The following RUFY3 variants were observed in gnomAD, a reference collection of about 807,000 sequenced individuals.
RUFY3 encodes the protein RUN and FYVE domain containing 3, also known as protein RUFY3.
RUFY3 carries 34 observed loss-of-function variants against 84.0 expected under a neutral mutation model. The ratio of observed to expected loss-of-function variants is 0.40; its 90% CI spans 0.31 to 0.54. The LOEUF (loss-of-function observed/expected upper bound fraction) is 0.54. Ranked by LOEUF, RUFY3 falls within the 20% of genes least tolerant of loss-of-function variation. The probability of loss-of-function intolerance (pLI) is 0.39; values close to 1 mark genes in which losing one functional copy is unlikely to be tolerated. For synonymous variants in RUFY3, 242 were observed against 252.9 expected (o/e 0.96, Z 0.41); for missense variants, 507 against 736.8 (o/e 0.69, Z 3.61).
upstream of RUFY3, among the ~76,000 whole-genome samples, chr4:70,718,887 G>A (rs1193571029): frequency 6.6e-6 from 1 of 151,348 alleles, no homozygotes; most frequent in Non-Finnish European, 1.5e-5. Context: ...AGCTAATTTT[G>A]TATTTTTAGT....
chr4:70,706,919 A>G (rs1740401915), intron 1 of RUFY3, among the ~76,000 whole-genome samples: 1 of 152,218 alleles, frequency 6.6e-6, no homozygotes, highest in South Asian at 2.1e-4. Flanking sequence ...TTTGCACCAA[A>G]AATGTTTTCT....
intron 1 of RUFY3, chr4:70,734,394 A>C: frequency 1.0e-6 from 1 of 985,414 alleles, no homozygotes; most frequent in Non-Finnish European, 1.2e-6. Context: ...CCACCAGTGC[A>C]GTCAGCCTTA....
At chr4:70,705,106 C>G (rs1293240698) in exon 1 of RUFY3, 2 of 1,420,558 alleles carry the variant, frequency 1.4e-6, no homozygotes, top group East Asian at 3.1e-5. Flanking sequence ...CAGTCGGAGC[C>G]CGACTCGCCG....
At chr4:70,766,256 T>TTTTGC (rs2148715387) in intron 4 of RUFY3, among the ~76,000 whole-genome samples, 1 of 152,290 alleles carries the variant, frequency 6.6e-6, no homozygotes, top group South Asian at 2.1e-4. Flanking sequence ...TTTTGTTTTG[T>TTTTGC]TTTGCTTTAA....
rs200834627 is a variant in RUFY3, at chr4:70,793,787, T to C, written c.1340T>C (p.Leu447Ser). Residue 447 changes from leucine (L) to serine (S), a missense_variant and splice_region_variant, in exon 13 of 18, where the codon TTG (leucine) becomes TCG (serine). Around this residue, in one of 4 missense-constraint regions of RUFY3, gnomAD observed 334 missense variants for 364.1 expected, o/e 0.92. Coordinates refer to ENST00000381006, the MANE Select transcript of RUFY3 (RefSeq NM_001037442.4). Reference protein sequence around the residue: ...AATIKQLEQRLRQAERSRQSA... With the variant: ...AATIKQLEQRSRQAERSRQSA... ...AAGTTCATGTGGCTCACATCCAGATTGCGCCAGGCTGAGCGAAGCCGCCAA... is the reference window on the plus strand; with the variant it reads ...AAGTTCATGTGGCTCACATCCAGATCGCGCCAGGCTGAGCGAAGCCGCCAA... 419 of 1,614,024 alleles carry C rather than the reference T, an allele frequency of 2.6e-4. 1 individual carries two copies. Among genetic ancestry groups the C allele is most frequent in the Non-Finnish European group, 3.8e-5 (45 of 1,179,966 alleles).
At chr4:70,776,152 G>C in intron 7 of RUFY3, among the ~76,000 whole-genome samples, 1 of 152,086 alleles carries the variant, frequency 6.6e-6, no homozygotes, top group East Asian at 1.9e-4. Flanking sequence ...TGAAACCACA[G>C]ATAGTACCAA....
chr4:70,704,712 C>T, upstream of RUFY3: 2 of 309,162 alleles, frequency 6.5e-6, no homozygotes, highest in Non-Finnish European at 1.2e-5. Context: ...GTAGCGAGGC[C>T]GCGCCGTCGG....
intron 1 of RUFY3, among the ~76,000 whole-genome samples, chr4:70,761,976 C>T (rs1004519265): frequency 2.6e-5 from 4 of 152,068 alleles, no homozygotes; most frequent in Non-Finnish European, 5.9e-5. Flanking sequence ...GGAGTTATGA[C>T]AGATGCTTAG....
exon 1 of RUFY3, chr4:70,705,213 C>A: frequency 6.8e-7 from 1 of 1,461,444 alleles, no homozygotes; most frequent in Non-Finnish European, 9.0e-7. Flanking sequence ...GAGGACCCCG[C>A]CGTCCCCCGG....
At chr4:70,776,566 A>G (rs977008273) in intron 7 of RUFY3, among the ~76,000 whole-genome samples, 123 of 152,314 alleles carry the variant, frequency 8.1e-4, no homozygotes, top group African/African-American at 2.9e-3. Context: ...CAAGGTCAGG[A>G]TATGGAGATC....
intron 1 of RUFY3, among the ~76,000 whole-genome samples, chr4:70,711,852 T>C (rs1285562397): frequency 6.6e-6 from 1 of 152,226 alleles, no homozygotes; most frequent in Admixed American, 6.5e-5. Flanking sequence ...TGATTCTGCC[T>C]TTGTGAGCAG....
intron 1 of RUFY3, among the ~76,000 whole-genome samples, chr4:70,752,308 TTG>T (rs139830851): frequency 2.6e-5 from 4 of 151,612 alleles, no homozygotes; most frequent in Non-Finnish European, 4.4e-5. Flanking sequence ...TGTACATACT[TTG>T]TGTGTGTGTG....
At chr4:70,780,582 C>T (rs1277985960) in intron 8 of RUFY3, among the ~76,000 whole-genome samples, 3 of 152,316 alleles carry the variant, frequency 2.0e-5, no homozygotes, top group East Asian at 1.9e-4. Flanking sequence ...CATGAGCCGC[C>T]GTACCCAGCC....
Position 70,732,514 on chromosome 4 carries a change from C to T in RUFY3, c.178+9763C>T, listed in dbSNP as rs147769371. On this transcript the variant is annotated intron_variant, in intron 1 of 17. Coordinates refer to ENST00000381006, the MANE Select transcript of RUFY3 (RefSeq NM_001037442.4). Reference sequence around the variant, plus strand: ...AAAGACTTGGAACCAACCCAGATATCCATCAATAATACACTGGATAAAGAA... The same window carrying T: ...AAAGACTTGGAACCAACCCAGATATTCATCAATAATACACTGGATAAAGAA... Among the ~76,000 whole-genome samples the T allele has an allele frequency of 7.9e-3, 1,196 of 152,246 alleles. 10 individuals are homozygous for T. The highest frequency in any genetic ancestry group is 0.048 in the Middle Eastern group (14 of 294).
intron 13 of RUFY3, 139 bp downstream of exon 13, chr4:70,794,043 A>G: frequency 3.3e-6 from 3 of 910,946 alleles, no homozygotes; most frequent in Non-Finnish European, 4.9e-6. Context: ...GAATTCAGAA[A>G]GCTTCACGTA....
At chr4:70,709,840 C>T (rs917958636) in intron 1 of RUFY3, among the ~76,000 whole-genome samples, 2 of 152,214 alleles carry the variant, frequency 1.3e-5, no homozygotes, top group Non-Finnish European at 2.9e-5. Context: ...CATCCTTGCC[C>T]TTGTCTTTTC....
chr4:70,741,506 A>G (rs1349645619), intron 1 of RUFY3: 1 of 713,584 alleles, frequency 1.4e-6, no homozygotes, highest in Non-Finnish European at 2.2e-6. Context: ...ATAAGTAGAA[A>G]GAATCCTAGG....
At chr4:70,734,898 A>T (rs1720035301) in intron 1 of RUFY3, among the ~76,000 whole-genome samples, 1 of 152,192 alleles carries the variant, frequency 6.6e-6, no homozygotes, top group Non-Finnish European at 1.5e-5. Context: ...CCTTTCGTGA[A>T]ACAGAGCTTC....
intron 4 of RUFY3, among the ~76,000 whole-genome samples, chr4:70,765,428 C>G (rs1178215183): frequency 1.3e-5 from 2 of 152,008 alleles, no homozygotes; most frequent in Non-Finnish European, 2.9e-5. Context: ...AATCCGATTT[C>G]TAGGATTTCA....
Sources: allele counts gnomAD v4.1 joint callset (sites outside exome capture counted in the v4.1 genomes callset), GRCh38; gene constraint gnomAD v4.1.1; regional missense constraint gnomAD v4.1.1; transcripts MANE v1.5; gene names NCBI Gene and HGNC (gene_info 2026-07-23, HGNC 2026-07-21).